GARNL3: variants seen among roughly 807,000 people sequenced by gnomAD.
GARNL3 encodes GTPase-activating Rap/Ran-GAP domain-like protein 3.
GARNL3 carries 63 observed loss-of-function variants against 125.0 expected under a neutral mutation model. The observed-to-expected ratio is 0.50, with a 90% CI of 0.41 to 0.62. The LOEUF is 0.62. Ranked by LOEUF, GARNL3 falls within the 20% of genes least tolerant of loss-of-function variation. The pLI, the probability that GARNL3 is intolerant of heterozygous loss-of-function variation, is 0.00. For missense variants in GARNL3, 994 were observed against 1,244.0 expected (o/e 0.80, Z 3.02); for synonymous variants, 439 against 457.5 (o/e 0.96, Z 0.52).
At chr9:127,228,697 A>G (rs1050992673) in intron 1 of GARNL3, among the ~76,000 whole-genome samples, 7 of 152,236 alleles carry the variant, frequency 4.6e-5, no homozygotes, top group Non-Finnish European at 1.0e-4. Context: ...TCAAATATAT[A>G]GCAAATACTT....
intron 12 of GARNL3, among the ~76,000 whole-genome samples, chr9:127,339,167 G>A (rs1198562606): frequency 2.0e-5 from 3 of 152,018 alleles, no homozygotes; most frequent in South Asian, 2.1e-4. Flanking sequence ...CGTGGTGGCA[G>A]GTGCCTGTAG....
chr9:127,293,807 G>A (rs1435708535), intron 2 of GARNL3, among the ~76,000 whole-genome samples: 1 of 152,154 alleles, frequency 6.6e-6, no homozygotes, highest in Non-Finnish European at 1.5e-5. Flanking sequence ...AAGATGAGTT[G>A]CTTTTTGGTA....
chr9:127,231,230 T>TG (rs1554887549), intron 1 of GARNL3, among the ~76,000 whole-genome samples: 4 of 135,136 alleles, frequency 3.0e-5, no homozygotes, highest in South Asian at 2.3e-4. Context: ...AATTTTTTGT[T>TG]TTTTTTTTTT....
chr9:127,345,528 T>A, intron 16 of GARNL3, 51 bp downstream of exon 16: 1 of 1,144,282 alleles, frequency 8.7e-7, no homozygotes, highest in Non-Finnish European at 1.3e-6. Flanking sequence ...TTTTCCTTAA[T>A]GAAAATGATT....
intron 14 of GARNL3, among the ~76,000 whole-genome samples, chr9:127,342,666 A>G (rs1243642406): frequency 2.0e-5 from 3 of 152,046 alleles, no homozygotes; most frequent in Admixed American, 2.0e-4. Context: ...TCTTGGTAAT[A>G]CTACTCAGCA....
Position 127,387,231 on chromosome 9 carries a change from G to C in GARNL3, c.2427G>C (p.Glu809Asp). 1.2e-6 allele frequency: 2 copies of C among 1,614,042 alleles called. No homozygotes were observed. The highest frequency in any genetic ancestry group is 1.7e-6 in the Non-Finnish European group (2 of 1,179,992). ...TCACAGCAACTGCAGCTGTGAATGA[G>C]GTCTCATCTGGAGGCAGCTCCAAGG... ...IYFTATAAVN[E>D]VSSGGSSKGA... Residue 809 changes from glutamate (E) to aspartate (D), a missense_variant, in exon 25 of 28, where the codon GAG (glutamate) becomes GAC (aspartate). Physicochemically the swap from Glu to Asp is conservative, Grantham distance 45 (BLOSUM62 2). Transcript: ENST00000373387.
At chr9:127,258,096 A>G (rs995787878) in intron 2 of GARNL3, among the ~76,000 whole-genome samples, 5 of 152,002 alleles carry the variant, frequency 3.3e-5, no homozygotes, top group Admixed American at 6.5e-5. Flanking sequence ...CAAATCCAGG[A>G]GTATCTAACC....
At chr9:127,289,009 C>G (rs2064332883) in intron 1 of GARNL3, among the ~76,000 whole-genome samples, 1 of 152,180 alleles carries the variant, frequency 6.6e-6, no homozygotes, top group African/African-American at 2.4e-5. Context: ...CAGAATGCTT[C>G]TCCCAAAGCC....
chr9:127,389,802 T>A (rs1209585544), intron 26 of GARNL3, among the ~76,000 whole-genome samples: 2 of 151,474 alleles, frequency 1.3e-5, no homozygotes, highest in Non-Finnish European at 2.9e-5. Context: ...GTGCCTATAG[T>A]CCCAGCTACT....
At chr9:127,291,712 A>G (rs2131372761) in intron 2 of GARNL3, among the ~76,000 whole-genome samples, 1 of 145,752 alleles carries the variant, frequency 6.9e-6, no homozygotes, top group Non-Finnish European at 1.5e-5. Flanking sequence ...TGCAGGCCAC[A>G]GGGACTCACC....
Position 127,311,727 on chromosome 9 carries a change from T to C in GARNL3, c.311T>C (p.Leu104Ser). Residue 104 changes from leucine (L) to serine (S), a missense_variant, in exon 3 of 28, where the codon TTA (leucine) becomes TCA (serine). Physicochemically the swap from Leu to Ser is moderately radical, Grantham distance 145. Around this residue, in one of 5 missense-constraint regions of GARNL3, gnomAD observed 139 missense variants for 231.6 expected, o/e 0.60. Transcript: ENST00000373387. ...YHTRWYFKYF[L>S]GQVHQNYIGN... is the part of the protein sequence containing the mutation. ...ACCAGATGGTATTTCAAATATTTTT[T>C]AGGACAAGGTAATTATGCTATTGTG... 1 of 1,601,896 alleles carries C rather than the reference T, an allele frequency of 6.2e-7. No individual in the cohort carries two copies. The highest frequency in any genetic ancestry group is 8.6e-7 in the Non-Finnish European group (1 of 1,168,808).
chr9:127,332,229 T>G (rs1430966008), intron 7 of GARNL3, 45 bp from the exon 8 acceptor site: 1 of 1,418,068 alleles, frequency 7.1e-7, no homozygotes, highest in Non-Finnish European at 1.0e-6. Flanking sequence ...CTATATACGC[T>G]GTGATGATAA....
intron 2 of GARNL3, among the ~76,000 whole-genome samples, chr9:127,244,626 TA>T (rs750445460): frequency 5.9e-5 from 9 of 152,128 alleles, no homozygotes; most frequent in Non-Finnish European, 1.3e-4. Flanking sequence ...AATAAGTGAA[TA>T]AAAAATAATT....
At chr9:127,382,266 C>T (rs1359183155) in intron 22 of GARNL3, among the ~76,000 whole-genome samples, 1 of 151,976 alleles carries the variant, frequency 6.6e-6, no homozygotes. Flanking sequence ...CACCATTGCA[C>T]TCCAGTCCAG....
At position 127,242,784 on chromosome 9, in the gene GARNL3, C is replaced by G. The variant is rs530093646; in HGVS notation, c.-28-295C>G. Among the ~76,000 whole-genome samples, 3 of 152,320 alleles carry G rather than the reference C, an allele frequency of 2.0e-5. No homozygotes were observed. Among genetic ancestry groups the G allele is most frequent in the South Asian group, 2.1e-4 (1 of 4,824 alleles). ...CAAATTCATACTGCCTTTCTCTAAA[C>G]AAGTTTGTGATTGTTCAAATGCTCA... On this transcript the variant is annotated intron_variant, in intron 1 of 10. Coordinates refer to the GARNL3 transcript ENST00000439286. This position sits in a 1 kb window ranked among gnomAD's most constrained non-coding sequence, Gnocchi z 4.6.
rs1429763992 is a variant in GARNL3, at chr9:127,392,979, G to A, written c.2871-104G>A. The A allele has an allele frequency of 5.4e-6, 5 of 931,918 alleles. No homozygotes were observed. Among genetic ancestry groups the A allele is most frequent in the Non-Finnish European group, 8.2e-6 (5 of 612,418 alleles). 57.7% of individuals were successfully genotyped at this position (931,918 alleles called of 1,614,324 possible). A position where few individuals can be genotyped will look rare whatever the true frequency, so the allele number is the denominator to read the frequency against. On this transcript the variant is annotated intron_variant, in intron 27 of 27. Coordinates refer to ENST00000373387, the MANE Select transcript of GARNL3 (RefSeq NM_032293.5). This position sits in a 1 kb window ranked among gnomAD's most constrained non-coding sequence, Gnocchi z 5.2. ...TACCACATAACAGTGAGGGTTTGGTGAGCCAAACTCATGAGCTCAGATGAG... is the reference window on the plus strand; with the variant it reads ...TACCACATAACAGTGAGGGTTTGGTAAGCCAAACTCATGAGCTCAGATGAG...
At chr9:127,257,273 C>G (rs10987583) in intron 2 of GARNL3, among the ~76,000 whole-genome samples, 1 of 152,130 alleles carries the variant, frequency 6.6e-6, no homozygotes, top group South Asian at 2.1e-4. Context: ...TTTCATTTTT[C>G]TGGGATAAAT....
chr9:127,331,025 A>G (rs535053975), intron 7 of GARNL3, among the ~76,000 whole-genome samples: 1 of 152,266 alleles, frequency 6.6e-6, no homozygotes, highest in African/African-American at 2.4e-5. Context: ...TGCTTTAAAT[A>G]TCTTTGTCCC....
chr9:127,392,231 G>C lies in GARNL3; in HGVS notation c.2871-852G>C, dbSNP rs1302632583. On this transcript the variant is annotated intron_variant, in intron 27 of 27. Transcript: ENST00000373387. This position sits in a 1 kb window ranked among gnomAD's most constrained non-coding sequence, Gnocchi z 5.2. ...TCAGGGACTTTGCATTCTAGTGTGG[G>C]AAAACAGACAGCCAACCTGTAAACA... is the stretch of plus-strand genomic sequence containing the variant. Among the ~76,000 whole-genome samples the C allele has an allele frequency of 6.6e-6, 1 of 152,352 alleles. No individual in the cohort carries two copies. Among genetic ancestry groups the C allele is most frequent in the East Asian group, 1.9e-4 (1 of 5,194 alleles).
Sources: gnomAD v4.1 joint callset for allele counts (sites outside exome capture counted in the v4.1 genomes callset) on GRCh38, gnomAD v4.1.1 for gene constraint, gnomAD v4.1.1 regional missense constraint, Gnocchi (gnomAD v3.1) non-coding constraint, MANE v1.5 for transcripts, NCBI Gene and HGNC (gene_info 2026-07-23, HGNC 2026-07-21) for gene names.